CILK1: variants seen among roughly 807,000 people sequenced by gnomAD.
The protein encoded by CILK1 is ciliogenesis associated kinase 1, also known as serine/threonine-protein kinase ICK.
CILK1 carries 47 observed loss-of-function variants against 79.2 expected under a neutral mutation model. The ratio of observed to expected loss-of-function variants is 0.59; its 90% CI spans 0.47 to 0.76. The LOEUF is 0.76. Among genes scored for constraint, CILK1 ranks in the 30% least tolerant of loss-of-function variants. CILK1 has a pLI of 0.00. For synonymous variants in CILK1, 266 were observed against 275.9 expected (o/e 0.96, Z 0.36); for missense variants, 660 against 769.5 (o/e 0.86, Z 1.68).
chr6:53,030,104 G>C (rs1420019426), intron 5 of CILK1, among the ~76,000 whole-genome samples: 1 of 152,202 alleles, frequency 6.6e-6, no homozygotes, highest in Non-Finnish European at 1.5e-5. Flanking sequence ...CAAAAGCTCA[G>C]CTAAGAACAA....
chr6:53,060,666 T>C (rs1768370522), intron 1 of CILK1, among the ~76,000 whole-genome samples: 1 of 152,226 alleles, frequency 6.6e-6, no homozygotes, highest in African/African-American at 2.4e-5. Context: ...AATGTGCATA[T>C]TTATGCATAT....
chr6:53,032,687 A>T, intron 3 of CILK1, 33 bp from the exon 4 acceptor site: 1 of 1,555,328 alleles, frequency 6.4e-7, no homozygotes. Context: ...AAAACAAAAC[A>T]AATATTAGAG....
intron 9 of CILK1, among the ~76,000 whole-genome samples, chr6:53,012,912 A>G (rs879544435): frequency 6.6e-6 from 1 of 152,204 alleles, no homozygotes; most frequent in Non-Finnish European, 1.5e-5. Context: ...TCAGGTTATT[A>G]TTTTACTAAA....
intron 5 of CILK1, among the ~76,000 whole-genome samples, chr6:53,024,881 G>GACCTTCACTAA (rs1765476168): frequency 7.0e-6 from 1 of 142,714 alleles, no homozygotes; most frequent in Non-Finnish European, 1.5e-5. Context: ...CGCCCAGGCT[G>GACCTTCACTAA]GAGTGAAGTG....
At chr6:53,024,833 C>CTTTT (rs11399655) in intron 5 of CILK1, among the ~76,000 whole-genome samples, 2 of 133,878 alleles carry the variant, frequency 1.5e-5, no homozygotes, top group African/African-American at 2.8e-5. Flanking sequence ...ATAGCTAAAT[C>CTTTT]TTTTTTTTTT....
At chr6:53,032,683 A>C in intron 3 of CILK1, 29 bp from the exon 4 acceptor site, 8 of 1,563,302 alleles carry the variant, frequency 5.1e-6, no homozygotes, top group Non-Finnish European at 7.0e-6. Context: ...ACACAAAACA[A>C]AACAAATATT....
chr6:53,053,567 C>A (rs192071220), intron 1 of CILK1, among the ~76,000 whole-genome samples: 1 of 152,220 alleles, frequency 6.6e-6, no homozygotes, highest in East Asian at 1.9e-4. Flanking sequence ...CTAGATTATA[C>A]GACTAATGTG....
In CILK1 at chr6:53,016,199, G is replaced by A. The variant is rs745696538; in HGVS notation, c.715C>T (p.Pro239Ser). The change falls in exon 8 of 14, where the codon CCA becomes TCA. Residue 239 changes from proline (P) to serine (S), a missense_variant. By Grantham distance (74) the Pro-to-Ser change is moderately conservative. Transcript: ENST00000676107. The stretch of plus-strand genomic sequence containing the variant: ...TTTAAGTTATTGGGTACACACTGTG[G>A]CCAACGGAAGTTCATTGCACTTGAA... ...QLSSAMNFRWPQCVPNNLKTL... is the reference protein window; with the variant it reads ...QLSSAMNFRWSQCVPNNLKTL... 2 of 1,613,902 alleles carry A rather than the reference G, an allele frequency of 1.2e-6. No individual in the cohort carries two copies. The highest frequency in any genetic ancestry group is 2.7e-5 in the African/African-American group (2 of 74,936).
intron 6 of CILK1, 59 bp downstream of exon 6, chr6:53,019,168 C>T (rs1201573397): frequency 6.8e-7 from 1 of 1,475,366 alleles, no homozygotes; most frequent in Admixed American, 1.7e-5. Flanking sequence ...TTATCCTTAG[C>T]ATAATGATAT....
At chr6:53,055,171 G>A (rs1415637742) in intron 1 of CILK1, among the ~76,000 whole-genome samples, 2 of 152,216 alleles carry the variant, frequency 1.3e-5, no homozygotes, top group African/African-American at 2.4e-5. Flanking sequence ...CCTAGGAAAA[G>A]TGGATTATAT....
In CILK1 at chr6:53,037,844, A is replaced by C; in HGVS notation, c.156+95T>G. 7.8e-6 allele frequency: 6 copies of C among 770,660 alleles called. No homozygotes were observed. In the South Asian group the frequency reaches 8.0e-5, roughly 10 times the overall value. The allele number at this position is 770,660 out of a possible 1,614,324, so 47.7% of individuals were successfully genotyped here. On this transcript the variant is annotated intron_variant, in intron 3 of 13. Coordinates refer to ENST00000676107, the MANE Select transcript of CILK1 (RefSeq NM_014920.5). ...CCTCCCTTTCCAGCATTAGTGAAAA[A>C]ATTCAAATGAAATGACTATATCAAC...
At chr6:53,007,944 TAAATAAATAAATAA>T (rs1367124520) in intron 12 of CILK1, among the ~76,000 whole-genome samples, 25 of 150,156 alleles carry the variant, frequency 1.7e-4, no homozygotes, top group Non-Finnish European at 2.8e-4. Context: ...CGTCTTAAAA[TAAATAAATAAATAA>T]AAATAAATAA....
chr6:53,061,374 T>TAAAA (rs1768439142), intron 1 of CILK1, among the ~76,000 whole-genome samples: 1 of 152,202 alleles, frequency 6.6e-6, no homozygotes, highest in Non-Finnish European at 1.5e-5. Context: ...TCCTTAAGAC[T>TAAAA]AAAAGATAAA....
chr6:53,035,994 C>T (rs951789598), intron 3 of CILK1, among the ~76,000 whole-genome samples: 9 of 151,856 alleles, frequency 5.9e-5, no homozygotes, highest in East Asian at 5.8e-4. Flanking sequence ...AGTTGGCAGC[C>T]GATGTGGCAT....
intron 1 of CILK1, among the ~76,000 whole-genome samples, chr6:53,056,990 T>C (rs780841038): frequency 2.6e-5 from 4 of 152,238 alleles, no homozygotes; most frequent in African/African-American, 9.6e-5. Flanking sequence ...CATGAAGGCA[T>C]GTATATCTTA....
chr6:53,048,528 A>G (rs1767259772), intron 1 of CILK1, among the ~76,000 whole-genome samples: 1 of 152,216 alleles, frequency 6.6e-6, no homozygotes, highest in South Asian at 2.1e-4. Context: ...GGTTAAATAC[A>G]TTTGAGAATG....
At chr6:53,034,072 T>C (rs1766150571) in intron 3 of CILK1, among the ~76,000 whole-genome samples, 1 of 152,244 alleles carries the variant, frequency 6.6e-6, no homozygotes, top group African/African-American at 2.4e-5. Flanking sequence ...AAGTATTCAC[T>C]AAACTCTCAG....
At chr6:53,041,888 T>A (rs974729569) in intron 1 of CILK1, among the ~76,000 whole-genome samples, 1 of 152,266 alleles carries the variant, frequency 6.6e-6, no homozygotes, top group Middle Eastern at 3.4e-3. Context: ...CTGGATTAAG[T>A]AGGTAAATAA....
intron 2 of CILK1, among the ~76,000 whole-genome samples, chr6:53,039,787 T>C (rs1186080768): frequency 6.6e-6 from 1 of 152,142 alleles, no homozygotes; most frequent in African/African-American, 2.4e-5. Flanking sequence ...TTTGGTCTGA[T>C]ATGAATAGGG....
Sources: allele counts gnomAD v4.1 joint callset (sites outside exome capture counted in the v4.1 genomes callset), GRCh38; gene constraint gnomAD v4.1.1; transcripts MANE v1.5; gene names NCBI Gene and HGNC (gene_info 2026-07-23, HGNC 2026-07-21).